NCOA1: variants seen among roughly 807,000 people sequenced by gnomAD.
The protein encoded by NCOA1 is Hin-2 protein.
In NCOA1, 35 loss-of-function variants were observed where a neutral mutation model predicts 150.9. The ratio of observed to expected loss-of-function variants is 0.23; its 90% CI spans 0.18 to 0.31. The LOEUF (loss-of-function observed/expected upper bound fraction) is 0.31. NCOA1 is among the 10% of genes least tolerant of loss of function. The probability of loss-of-function intolerance (pLI) is 1.00; values close to 1 mark genes in which losing one functional copy is unlikely to be tolerated. For missense variants in NCOA1, 1,491 were observed against 1,749.3 expected, an observed-to-expected ratio of 0.85 and a Z score of 2.63; for synonymous variants, 590 against 630.0, an observed-to-expected ratio of 0.94 and a Z score of 0.95.
At position 24,543,363 on chromosome 2, in the gene NCOA1, A is replaced by G. The variant is rs75510430; in HGVS notation, c.-395-20932A>G. ...ACTCCCACAGAAGAGAATTAAATCT[A>G]TTTGTGAGGGATCTGCCCCCATGAC... On this transcript the variant is annotated intron_variant, in intron 1 of 22. Coordinates refer to ENST00000348332, the MANE Select transcript of NCOA1 (RefSeq NM_003743.5). Among the ~76,000 whole-genome samples the G allele has an allele frequency of 9.5e-3, 1,446 of 152,274 alleles. 20 individuals carry two copies. Among genetic ancestry groups the G allele is most frequent in the African/African-American group, 0.033 (1,379 of 41,562 alleles).
chr2:24,547,407 C>T (rs903071473), intron 1 of NCOA1, among the ~76,000 whole-genome samples: 1 of 152,078 alleles, frequency 6.6e-6, no homozygotes, highest in African/African-American at 2.4e-5. Flanking sequence ...TCCAAAACAT[C>T]TTTGCTTAGT....
intron 3 of NCOA1, among the ~76,000 whole-genome samples, chr2:24,634,559 T>C (rs1021841931): frequency 6.6e-6 from 1 of 152,106 alleles, no homozygotes; most frequent in Non-Finnish European, 1.5e-5. Context: ...GCATCAGAAG[T>C]AGATAATGAA....
At position 24,614,199 on chromosome 2, in the gene NCOA1, C is replaced by CTTT. The variant is rs869113477; in HGVS notation, c.-175+29669_-175+29671dup. ...CCTATTGTATCGATTCATTTCCATT[C>CTTT]TTTTTTTTTTTTTTTTTTTTTTTTT... On this transcript the variant is annotated intron_variant, in intron 3 of 22. Coordinates refer to ENST00000348332, the MANE Select transcript of NCOA1 (RefSeq NM_003743.5). 4.0e-3 allele frequency among the ~76,000 whole-genome samples: 37 copies of CTTT among 9,172 alleles called. 3 individuals carry two copies. The highest frequency in any genetic ancestry group is 0.027 in the East Asian group (7 of 258). The allele number at this position is 9,172 out of a possible 152,430, so 6.0% of individuals were successfully genotyped here.
At chr2:24,598,442 CAT>C (rs1667970762) in intron 3 of NCOA1, among the ~76,000 whole-genome samples, 1 of 151,958 alleles carries the variant, frequency 6.6e-6, no homozygotes, top group Non-Finnish European at 1.5e-5. Context: ...TATTACATAA[CAT>C]ATAAATTAGG....
At chr2:24,754,259 C>T (rs749772349) in intron 20 of NCOA1, among the ~76,000 whole-genome samples, 1 of 152,148 alleles carries the variant, frequency 6.6e-6, no homozygotes, top group African/African-American at 2.4e-5. Flanking sequence ...ACACATGAGG[C>T]AGAGTATGTC....
Position 24,544,523 on chromosome 2 carries a change from C to G in NCOA1, c.-395-19772C>G, listed in dbSNP as rs990261795. Among the ~76,000 whole-genome samples, 4 of 152,144 alleles carry G rather than the reference C, an allele frequency of 2.6e-5. No homozygotes were observed. In the South Asian group the frequency reaches 8.3e-4, roughly 32 times the overall value. On this transcript the variant is annotated intron_variant, in intron 1 of 22. Transcript: ENST00000348332. The stretch of plus-strand genomic sequence containing the variant: ...TTTGGAAGGCCAAGGTGGTGGATTG[C>G]TTGAGTTCAGGAGTTTGAGACCAGC...
chr2:24,758,450 A>T (rs1572691626), intron 21 of NCOA1, among the ~76,000 whole-genome samples: 1 of 149,232 alleles, frequency 6.7e-6, no homozygotes, highest in Non-Finnish European at 1.5e-5. Flanking sequence ...CCCACCTCAG[A>T]CTCCTAAGTA....
chr2:24,669,879 T>C (rs796106426), intron 6 of NCOA1, among the ~76,000 whole-genome samples: 27 of 152,328 alleles, frequency 1.8e-4, no homozygotes, highest in African/African-American at 6.3e-4. Context: ...GGCTCACGCC[T>C]GTAATCCCAG....
intron 2 of NCOA1, among the ~76,000 whole-genome samples, chr2:24,581,353 C>A (rs1262446155): frequency 6.6e-6 from 1 of 152,242 alleles, no homozygotes; most frequent in Non-Finnish European, 1.5e-5. Context: ...TCTCTGACAT[C>A]ACCATTGTGG....
At chr2:24,546,081 A>C (rs1028663310) in intron 1 of NCOA1, among the ~76,000 whole-genome samples, 2 of 152,028 alleles carry the variant, frequency 1.3e-5, no homozygotes, top group Non-Finnish European at 2.9e-5. Flanking sequence ...GAGCCACCAC[A>C]CCCAGCCTGT....
intron 17 of NCOA1, among the ~76,000 whole-genome samples, chr2:24,734,852 T>A (rs1663214789): frequency 6.6e-6 from 1 of 152,094 alleles, no homozygotes; most frequent in Admixed American, 6.6e-5. Flanking sequence ...GATAAATAGT[T>A]CTACCATAAT....
chr2:24,694,603 A>G (rs1419242994), intron 10 of NCOA1, among the ~76,000 whole-genome samples: 1 of 152,156 alleles, frequency 6.6e-6, no homozygotes, highest in Non-Finnish European at 1.5e-5. Context: ...ATAAATTAGC[A>G]CAGATAATAG....
At chr2:24,537,590 G>C (rs1281203789) in intron 1 of NCOA1, among the ~76,000 whole-genome samples, 3 of 151,898 alleles carry the variant, frequency 2.0e-5, no homozygotes, top group Non-Finnish European at 4.4e-5. Context: ...GAAAGGTGAG[G>C]AAATGGGGAT....
Position 24,769,415 on chromosome 2 carries a change from T to G in NCOA1, c.*1024T>G, listed in dbSNP as rs1478082006. On this transcript the variant is annotated 3_prime_UTR_variant, in exon 23 of 23. Transcript: ENST00000348332. ...GTTACATTTGGTTAGTAATATTTCA[T>G]TATTTTAATAACTGTGATGTCATGT... is the stretch of plus-strand genomic sequence containing the variant. 2 of 188,498 alleles carry G rather than the reference T, an allele frequency of 1.1e-5. No homozygotes were observed. The highest frequency in any genetic ancestry group is 4.7e-5 in the African/African-American group (2 of 42,816). 11.7% of individuals were successfully genotyped at this position (188,498 alleles called of 1,614,324 possible).
chr2:24,518,345 A>G (rs1664289698), intron 1 of NCOA1, among the ~76,000 whole-genome samples: 1 of 152,178 alleles, frequency 6.6e-6, no homozygotes, highest in South Asian at 2.1e-4. Flanking sequence ...TTAACCTGAT[A>G]AATGGAGCAT....
At chr2:24,606,346 C>T (rs948367557) in intron 3 of NCOA1, among the ~76,000 whole-genome samples, 1 of 152,140 alleles carries the variant, frequency 6.6e-6, no homozygotes. Flanking sequence ...GAGAGATTCT[C>T]CTGTCTCAGC....
At chr2:24,687,586 C>T (rs1253792373) in intron 8 of NCOA1, among the ~76,000 whole-genome samples, 1 of 152,078 alleles carries the variant, frequency 6.6e-6, no homozygotes, top group Non-Finnish European at 1.5e-5. Context: ...AGAAAACTTA[C>T]AATCATGAGA....
intron 1 of NCOA1, among the ~76,000 whole-genome samples, chr2:24,508,234 C>T (rs944160046): frequency 2.6e-5 from 4 of 151,708 alleles, no homozygotes; most frequent in Non-Finnish European, 5.9e-5. Flanking sequence ...TTTTCTTTGA[C>T]TTTTGCTCCA....
chr2:24,629,650 T>G (rs1669598487), intron 3 of NCOA1, among the ~76,000 whole-genome samples: 1 of 150,192 alleles, frequency 6.7e-6, no homozygotes. Context: ...GACATCCAAG[T>G]CAGGGAAAAA....
Sources: gnomAD v4.1 joint callset for allele counts (sites outside exome capture counted in the v4.1 genomes callset) on GRCh38, gnomAD v4.1.1 for gene constraint, MANE v1.5 for transcripts, NCBI Gene and HGNC (gene_info 2026-07-23, HGNC 2026-07-21) for gene names.